Variants in PRKCZ observed in about 807,000 individuals in gnomAD.
PRKCZ encodes the protein protein kinase C zeta type.
In PRKCZ, 33 loss-of-function variants were observed where a neutral mutation model predicts 79.5. The observed-to-expected ratio is 0.41, with a 90% CI of 0.31 to 0.55. The LOEUF (loss-of-function observed/expected upper bound fraction) is 0.55. Ranked by LOEUF, PRKCZ falls within the 20% of genes least tolerant of loss-of-function variation. PRKCZ has a pLI of 0.19. For missense variants in PRKCZ, 578 were observed against 813.5 expected (o/e 0.71, Z 3.52); for synonymous variants, 342 against 320.9 (o/e 1.07, Z -0.70).
At chr1:2,102,533 T>C (rs7556569) in intron 4 of PRKCZ, among the ~76,000 whole-genome samples, 81,262 of 151,606 alleles carry the variant, frequency 0.54, 24,359 homozygotes, top group East Asian at 0.79. Flanking sequence ...GGGGTTTCAC[T>C]GTGTTAGCCG....
chr1:2,105,086 C>T (rs147724847), intron 4 of PRKCZ, among the ~76,000 whole-genome samples: 4 of 152,332 alleles, frequency 2.6e-5, no homozygotes, highest in Admixed American at 6.5e-5. Flanking sequence ...CCCCTTATCA[C>T]AGCACACGTC....
In PRKCZ at chr1:2,148,905, G is replaced by A. The variant is rs1679283765; in HGVS notation, c.668G>A (p.Ser223Asn). 3 of 1,613,986 alleles carry A rather than the reference G, an allele frequency of 1.9e-6. No homozygotes were observed. The African/African-American group carries it at 4.0e-5, about 22-fold the overall frequency. ...ATTTCCTCATCCCGGAAGCATGACAGCATTAAAGACGACTCGGAGGTGAGT... is the reference window on the plus strand; with the variant it reads ...ATTTCCTCATCCCGGAAGCATGACAACATTAAAGACGACTCGGAGGTGAGT... ...AYISSSRKHD[S>N]IKDDSEDLKP... The change falls in exon 8 of 18, where the codon AGC becomes AAC. Residue 223 changes from serine (S) to asparagine (N), a missense_variant. By Grantham distance (46) the Ser-to-Asn change is conservative (BLOSUM62 1). Coordinates refer to ENST00000378567, the MANE Select transcript of PRKCZ (RefSeq NM_002744.6).
chr1:2,171,515 G>C (rs534260275), intron 11 of PRKCZ: 2 of 152,420 alleles, frequency 1.3e-5, no homozygotes, highest in South Asian at 4.1e-4. Context: ...ACAGGTGTGC[G>C]CCACCATACC....
At chr1:2,155,439 ATGG>A (rs1291510188) in intron 9 of PRKCZ, among the ~76,000 whole-genome samples, 1 of 136,534 alleles carries the variant, frequency 7.3e-6, no homozygotes, top group East Asian at 2.1e-4. Context: ...GACGGTTGTG[ATGG>A]TGATGATGGT....
In PRKCZ at chr1:2,129,642, A is replaced by G. The variant is rs940281357; in HGVS notation, c.335-5620A>G. 3.9e-5 allele frequency among the ~76,000 whole-genome samples: 6 copies of G among 152,234 alleles called. No homozygotes were observed. In the East Asian group the frequency reaches 7.7e-4, roughly 20 times the overall value. ...AGATGAGAGCTGTGGGGAGCCAGGC[A>G]GGGGGGGTCTCTGGGAACTCTCCAA... On this transcript the variant is annotated intron_variant, in intron 4 of 17. Coordinates refer to ENST00000378567, the MANE Select transcript of PRKCZ (RefSeq NM_002744.6).
At chr1:2,151,182 C>G (rs1220850275) in intron 9 of PRKCZ, among the ~76,000 whole-genome samples, 1 of 152,240 alleles carries the variant, frequency 6.6e-6, no homozygotes, top group Non-Finnish European at 1.5e-5. Context: ...GTTGTGTGAA[C>G]ATCACAGTGT....
chr1:2,079,489 G>T (rs1001086978), intron 4 of PRKCZ, among the ~76,000 whole-genome samples: 1 of 152,226 alleles, frequency 6.6e-6, no homozygotes, highest in Non-Finnish European at 1.5e-5. Context: ...AAGCTGCGTG[G>T]TCAGGCCCCA....
At chr1:2,061,468 G>C (rs1660667450) in intron 4 of PRKCZ, among the ~76,000 whole-genome samples, 1 of 152,140 alleles carries the variant, frequency 6.6e-6, no homozygotes. Flanking sequence ...TGTCATGGGG[G>C]TGGCAGCCGA....
chr1:2,160,228 C>T (rs1681938220), intron 10 of PRKCZ, among the ~76,000 whole-genome samples: 1 of 139,580 alleles, frequency 7.2e-6, no homozygotes, highest in Non-Finnish European at 1.5e-5. Flanking sequence ...GCACTTCACC[C>T]AGCAGTGTGC....
rs1489817617 is a variant in PRKCZ, at chr1:2,072,080, C to G, written c.334+12489C>G. Among the ~76,000 whole-genome samples, 3 of 152,244 alleles carry G rather than the reference C, an allele frequency of 2.0e-5. 1 individual carries two copies. The East Asian group carries it at 5.8e-4, about 29-fold the overall frequency. On this transcript the variant is annotated intron_variant, in intron 4 of 17. Transcript: ENST00000378567. ...GTGTAGGTTGCCAGCCCTCGTTCCC[C>G]ATAGATTTGGGAAGTCGAGTGAAAC...
intron 4 of PRKCZ, among the ~76,000 whole-genome samples, chr1:2,077,346 G>A (rs1468295459): frequency 1.3e-5 from 2 of 152,180 alleles, no homozygotes; most frequent in East Asian, 1.9e-4. Context: ...ACTGCAAGAC[G>A]GAGCCGCCCT....
At chr1:2,145,974 TA>T in intron 6 of PRKCZ, 52 bp from the exon 7 acceptor site, 1 of 1,484,164 alleles carries the variant, frequency 6.7e-7, no homozygotes, top group Non-Finnish European at 9.4e-7. Context: ...AGCTACATTG[TA>T]ACACCTGCTC....
chr1:2,151,540 G>T (rs568759799), intron 9 of PRKCZ, among the ~76,000 whole-genome samples: 1 of 152,350 alleles, frequency 6.6e-6, no homozygotes, highest in Admixed American at 6.5e-5. Flanking sequence ...GCCCTGCTCC[G>T]TCCTGCACAA....
At chr1:2,140,374 C>T (rs879724972) in intron 5 of PRKCZ, among the ~76,000 whole-genome samples, 4 of 152,160 alleles carry the variant, frequency 2.6e-5, no homozygotes, top group Admixed American at 1.3e-4. Context: ...AGCAGGAGGC[C>T]GGGCGCGGTG....
rs375896877 is a variant in PRKCZ at position 2,145,991 on chromosome 1, C to G, written c.553-36C>G. On this transcript the variant is annotated intron_variant, in intron 6 of 17. Transcript: ENST00000378567. ...CTACATTGTAACACCTGCTCTAGCA[C>G]TTGGTCATGCTGCCATCTCTGTGTC... 866 of 1,553,426 alleles carry G rather than the reference C, an allele frequency of 5.6e-4. 1 individual carries two copies. The highest frequency in any genetic ancestry group is 7.1e-4 in the Non-Finnish European group (798 of 1,124,914).
rs1404083408 is a variant in PRKCZ, at chr1:2,110,406, G to A, written c.335-24856G>A. On this transcript the variant is annotated intron_variant, in intron 4 of 17. Transcript: ENST00000378567. Reference sequence around the variant, plus strand: ...CTTCCTCCGTTCAGGCTTCATCCCCGGTCAGGGGGCTCCTGGTCCCGTGGC... The same window carrying A: ...CTTCCTCCGTTCAGGCTTCATCCCCAGTCAGGGGGCTCCTGGTCCCGTGGC... 9.8e-5 allele frequency among the ~76,000 whole-genome samples: 15 copies of A among 152,340 alleles called. No homozygotes were observed. The South Asian group carries it at 2.9e-3, about 29-fold the overall frequency.
rs1398219406 is a variant in PRKCZ at position 2,150,976 on chromosome 1, G to C, written c.874G>C (p.Glu292Gln). 8.1e-6 allele frequency: 13 copies of C among 1,613,230 alleles called. No homozygotes were observed. The change falls in exon 9 of 18, where the codon GAG becomes CAG. Residue 292 changes from glutamate (E) to glutamine (Q), a missense_variant and splice_region_variant. Transcript: ENST00000378567. ...GAAGAAAGAGCTGGTGCATGATGACGAGGTAGGTGCCGCTTCTCATGGGGC... is the reference window on the plus strand; with the variant it reads ...GAAGAAAGAGCTGGTGCATGATGACCAGGTAGGTGCCGCTTCTCATGGGGC... ...VVKKELVHDD[E>Q]DIDWVQTEKH...
Position 2,117,998 on chromosome 1 carries a change from C to CCTTTTTTTTTTTTTTTTTTTTTTTTTT in PRKCZ, c.335-17264_335-17263insCTTTTTTTTTTTTTTTTTTTTTTTTTT, listed in dbSNP as rs58233626. Among the ~76,000 whole-genome samples the CCTTTTTTTTTTTTTTTTTTTTTTTTTT allele has an allele frequency of 6.1e-5, 4 of 65,058 alleles. 2 individuals carry two copies. The highest frequency in any genetic ancestry group is 1.2e-4 in the African/African-American group (2 of 16,166). 42.7% of individuals were successfully genotyped at this position (65,058 alleles called of 152,430 possible). On this transcript the variant is annotated intron_variant, in intron 4 of 17. Transcript: ENST00000378567. ...TATGAGAGAGATTAGCCTATTATTT[C>CCTTTTTTTTTTTTTTTTTTTTTTTTTT]TTTTTTTTTTTTTTTTGGAGTCTCA...
intron 4 of PRKCZ, among the ~76,000 whole-genome samples, chr1:2,091,293 T>G (rs1015018003): frequency 8.5e-5 from 13 of 152,222 alleles, no homozygotes; most frequent in Admixed American, 4.6e-4. Flanking sequence ...CGTCTTGGCC[T>G]CCCAAAGTGC....
Sources: gnomAD v4.1 joint callset for allele counts (sites outside exome capture counted in the v4.1 genomes callset) on GRCh38, gnomAD v4.1.1 for gene constraint, MANE v1.5 for transcripts, NCBI Gene and HGNC (gene_info 2026-07-23, HGNC 2026-07-21) for gene names.